The following HCN1 variants were observed in gnomAD, a reference collection of about 807,000 sequenced individuals.
HCN1 encodes the protein hyperpolarization activated cyclic nucleotide gated potassium channel 1, also known as potassium/sodium hyperpolarization-activated cyclic nucleotide-gated channel 1.
Under a neutral mutation model 78.9 loss-of-function variants are expected in HCN1, and 13 were observed. The ratio of observed to expected loss-of-function variants is 0.16; its 90% CI spans 0.11 to 0.26. The LOEUF (loss-of-function observed/expected upper bound fraction) is 0.26, where lower values mean the gene tolerates loss of function less well. HCN1 is among the 10% of genes least tolerant of loss of function. HCN1 has a pLI of 1.00. For synonymous variants in HCN1, 552 were observed against 455.5 expected (o/e 1.21, Z -2.70); for missense variants, 810 against 1,154.3 (o/e 0.70, Z 4.32).
chr5:45,535,737 T>C (rs963838867), intron 2 of HCN1, among the ~76,000 whole-genome samples: 2 of 142,818 alleles, frequency 1.4e-5, no homozygotes, highest in African/African-American at 3.1e-5. Flanking sequence ...GAATTTTCCA[T>C]CATCTTTTCA....
chr5:45,490,098 C>T (rs1741852186), intron 2 of HCN1, among the ~76,000 whole-genome samples: 1 of 152,040 alleles, frequency 6.6e-6, no homozygotes, highest in Non-Finnish European at 1.5e-5. Context: ...CCAGGTGAAA[C>T]ATGTTAAAAA....
chr5:45,310,185 A>G (rs1003423272), intron 5 of HCN1, among the ~76,000 whole-genome samples: 4 of 152,186 alleles, frequency 2.6e-5, no homozygotes, highest in Non-Finnish European at 5.9e-5. Flanking sequence ...TAAACTAAAG[A>G]GCTTCTACAC....
intron 2 of HCN1, among the ~76,000 whole-genome samples, chr5:45,470,088 A>AG (rs1374036520): frequency 3.3e-5 from 5 of 152,036 alleles, no homozygotes; most frequent in African/African-American, 1.2e-4. Flanking sequence ...ATGAAAGCAA[A>AG]GCTTATTCAT....
At chr5:45,404,545 A>G (rs545848867) in intron 3 of HCN1, among the ~76,000 whole-genome samples, 4 of 151,662 alleles carry the variant, frequency 2.6e-5, no homozygotes, top group Non-Finnish European at 5.9e-5. Context: ...TAATGGGAAC[A>G]TAGTAAGTAC....
chr5:45,667,835 C>T (rs937348226), intron 1 of HCN1, among the ~76,000 whole-genome samples: 1 of 151,932 alleles, frequency 6.6e-6, no homozygotes, highest in Non-Finnish European at 1.5e-5. Context: ...GCTAAAAAAA[C>T]AACTCCTATT....
At chr5:45,630,714 A>G (rs1014349107) in intron 2 of HCN1, among the ~76,000 whole-genome samples, 1 of 152,148 alleles carries the variant, frequency 6.6e-6, no homozygotes, top group African/African-American at 2.4e-5. Context: ...GGCTTTCTTG[A>G]TAAGTCCTAG....
At chr5:45,360,647 A>G (rs1009407821) in intron 4 of HCN1, among the ~76,000 whole-genome samples, 1 of 152,050 alleles carries the variant, frequency 6.6e-6, no homozygotes, top group Non-Finnish European at 1.5e-5. Context: ...TTTTTTTCTC[A>G]GTAAAAATGT....
chr5:45,501,674 G>A (rs1034553400), intron 2 of HCN1, among the ~76,000 whole-genome samples: 7 of 151,976 alleles, frequency 4.6e-5, no homozygotes, highest in Non-Finnish European at 8.8e-5. Context: ...CTCCTGACCC[G>A]GGAGATCCGC....
chr5:45,459,110 C>T (rs1392308668), intron 3 of HCN1, among the ~76,000 whole-genome samples: 1 of 151,738 alleles, frequency 6.6e-6, no homozygotes, highest in Non-Finnish European at 1.5e-5. Flanking sequence ...CTATTATCCA[C>T]AATATAAATT....
intron 2 of HCN1, among the ~76,000 whole-genome samples, chr5:45,636,114 G>T (rs533937510): frequency 2.0e-5 from 3 of 152,074 alleles, no homozygotes; most frequent in Non-Finnish European, 4.4e-5. Flanking sequence ...AATATTCTTG[G>T]ATGTCACTGT....
chr5:45,472,001 C>G (rs1237895493), intron 2 of HCN1, among the ~76,000 whole-genome samples: 2 of 151,892 alleles, frequency 1.3e-5, no homozygotes, highest in Admixed American at 6.6e-5. Context: ...TGAACTTTCA[C>G]TAGACATTCA....
chr5:45,588,862 A>G (rs531929353), intron 2 of HCN1, among the ~76,000 whole-genome samples: 2 of 152,318 alleles, frequency 1.3e-5, no homozygotes, highest in South Asian at 4.1e-4. Context: ...TCTCCTGTGA[A>G]TTATCTCATT....
At position 45,262,521 on chromosome 5, in the gene HCN1, T is replaced by C. The variant is rs1744768134; in HGVS notation, c.2073A>G (p.Ser691=). 1.9e-6 allele frequency: 3 copies of C among 1,613,086 alleles called. No homozygotes were observed. Among genetic ancestry groups the C allele is most frequent in the East Asian group, 2.2e-5 (1 of 44,798 alleles). ...PSPSTQTPQP[S]AILSPCSYTT... ...TGTAGGAGCAGGGTGACAGGATGGC[T>C]GATGGCTGGGGGGTCTGTGTGCTGG... Residue 691 remains serine, a synonymous_variant, in exon 8 of 8, where the codon TCA becomes TCG. Transcript: ENST00000303230.
chr5:45,291,088 A>G (rs1450182563), intron 6 of HCN1, among the ~76,000 whole-genome samples: 2 of 151,800 alleles, frequency 1.3e-5, no homozygotes, highest in African/African-American at 2.4e-5. Context: ...ATTTTTATTC[A>G]GCCACCGAGG....
At chr5:45,346,074 C>A (rs1048826055) in intron 5 of HCN1, among the ~76,000 whole-genome samples, 1 of 152,120 alleles carries the variant, frequency 6.6e-6, no homozygotes, top group African/African-American at 2.4e-5. Context: ...AAGTATCGAC[C>A]AAAAGGGATA....
At chr5:45,694,551 C>G (rs1340148239) in intron 1 of HCN1, among the ~76,000 whole-genome samples, 1 of 152,128 alleles carries the variant, frequency 6.6e-6, no homozygotes, top group Admixed American at 6.5e-5. Context: ...CTATATTTAT[C>G]CTATAAAGAA....
intron 2 of HCN1, among the ~76,000 whole-genome samples, chr5:45,498,141 A>T (rs910370090): frequency 3.9e-5 from 6 of 152,112 alleles, no homozygotes; most frequent in African/African-American, 1.4e-4. Context: ...CTGCCTTGCT[A>T]GACTGGGGAA....
intron 2 of HCN1, among the ~76,000 whole-genome samples, chr5:45,476,887 G>A (rs1041560660): frequency 6.6e-6 from 1 of 152,024 alleles, no homozygotes; most frequent in African/African-American, 2.4e-5. Context: ...GTTACCTTCA[G>A]GCTATGTGGA....
intron 5 of HCN1, among the ~76,000 whole-genome samples, chr5:45,325,909 A>C (rs1275791605): frequency 6.6e-6 from 1 of 151,670 alleles, no homozygotes; most frequent in Non-Finnish European, 1.5e-5. Flanking sequence ...AGAGTGTCAA[A>C]AATGATGTAT....
Sources: allele counts gnomAD v4.1 joint callset (sites outside exome capture counted in the v4.1 genomes callset), GRCh38; gene constraint gnomAD v4.1.1; transcripts MANE v1.5; gene names NCBI Gene and HGNC (gene_info 2026-07-23, HGNC 2026-07-21).